ZNF33B: variants seen among roughly 807,000 people sequenced by gnomAD.
The protein encoded by ZNF33B is zinc finger protein 11b (KOX 2).
Under a neutral mutation model 45.8 loss-of-function variants are expected in ZNF33B, and 29 were observed. That is an observed-to-expected ratio of 0.63 (90% CI 0.47 to 0.86). ZNF33B has a LOEUF of 0.86. ZNF33B is among the 40% of genes least tolerant of loss of function. The pLI, the probability that ZNF33B is intolerant of heterozygous loss-of-function variation, is 0.00. For synonymous variants in ZNF33B, 305 were observed against 307.8 expected, an observed-to-expected ratio of 0.99 and a Z score of 0.10; for missense variants, 831 against 909.9, an observed-to-expected ratio of 0.91 and a Z score of 1.12.
chr10:42,630,669 A>C (rs958960192), intron 4 of ZNF33B, among the ~76,000 whole-genome samples: 2 of 152,178 alleles, frequency 1.3e-5, no homozygotes, highest in Non-Finnish European at 2.9e-5. Context: ...AGCTACCACA[A>C]TCACTCATAA....
At chr10:42,578,004 C>A (rs1324276310) in intron 1 of ZNF33B, among the ~76,000 whole-genome samples, 5 of 152,132 alleles carry the variant, frequency 3.3e-5, no homozygotes, top group Admixed American at 3.3e-4. Context: ...GTGAAAACCA[C>A]CCCTCCTCTA....
In ZNF33B at chr10:42,594,280, A is replaced by G. The variant is rs751830769; in HGVS notation, c.670T>C (p.Cys224Arg). 19 of 1,613,762 alleles carry G rather than the reference A, an allele frequency of 1.2e-5. 1 individual carries two copies. In the Admixed American group the frequency reaches 2.8e-4, roughly 24 times the overall value. Residue 224 changes from cysteine (C) to arginine (R), a missense_variant, in exon 5 of 5, where the codon TGT (cysteine) becomes CGT (arginine). By Grantham distance (180) the Cys-to-Arg change is radical. Transcript: ENST00000359467. ...TLDHNFEYSICQETLLEKAVF... is the reference protein window; with the variant it reads ...TLDHNFEYSIRQETLLEKAVF... ...GCCTTTTCAAGGAGGGTTTCCTGAC[A>G]TATACTGTATTCAAAATTGTGGTCT...
intron 4 of ZNF33B, among the ~76,000 whole-genome samples, chr10:42,596,959 A>G (rs1163338579): frequency 6.6e-6 from 1 of 151,918 alleles, no homozygotes; most frequent in East Asian, 1.9e-4. Context: ...ATATTATACT[A>G]TCAGGTATGA....
chr10:42,629,626 T>C (rs968618014), intron 4 of ZNF33B, among the ~76,000 whole-genome samples: 1 of 152,222 alleles, frequency 6.6e-6, no homozygotes, highest in Non-Finnish European at 1.5e-5. Context: ...TTTATGTTTT[T>C]TCCACTCTGC....
intron 4 of ZNF33B, among the ~76,000 whole-genome samples, chr10:42,597,818 T>G (rs1326925144): frequency 1.3e-5 from 2 of 152,220 alleles, no homozygotes; most frequent in Non-Finnish European, 1.5e-5. Context: ...AATGTTAGTT[T>G]TGTACAAAAC....
rs1457740648 is a variant in ZNF33B, at chr10:42,589,929, T to A, written c.*2684A>T. On this transcript the variant is annotated 3_prime_UTR_variant, in exon 5 of 5. Transcript: ENST00000359467. ...TCAAGGATGATGCTAGATGTAGGGTTTTTTGTAGTAGTTCTTTATCAAATT... is the reference window on the plus strand; with the variant it reads ...TCAAGGATGATGCTAGATGTAGGGTATTTTGTAGTAGTTCTTTATCAAATT... 1 of 152,222 alleles carries A rather than the reference T, an allele frequency of 6.6e-6. No homozygotes were observed. Among genetic ancestry groups the A allele is most frequent in the South Asian group, 2.1e-4 (1 of 4,838 alleles). 9.4% of individuals were successfully genotyped at this position (152,222 alleles called of 1,614,324 possible).
intron 4 of ZNF33B, among the ~76,000 whole-genome samples, chr10:42,615,122 G>A (rs1253587371): frequency 6.6e-6 from 1 of 152,156 alleles, no homozygotes; most frequent in African/African-American, 2.4e-5. Flanking sequence ...ATTGCTGGCA[G>A]GACTGTAAAG....
At chr10:42,627,562 C>T (rs1448719613) in intron 4 of ZNF33B, among the ~76,000 whole-genome samples, 1 of 152,064 alleles carries the variant, frequency 6.6e-6, no homozygotes. Flanking sequence ...CTTCCTTCTA[C>T]TTAACAGAGG....
At chr10:42,598,206 T>C (rs1837479099) in intron 4 of ZNF33B, among the ~76,000 whole-genome samples, 1 of 152,252 alleles carries the variant, frequency 6.6e-6, no homozygotes, top group African/African-American at 2.4e-5. Context: ...AGTATGCTTT[T>C]ATTTTCTAAT....
At chr10:42,595,698 C>A (rs1837370310) in intron 4 of ZNF33B, among the ~76,000 whole-genome samples, 1 of 152,112 alleles carries the variant, frequency 6.6e-6, no homozygotes, top group Non-Finnish European at 1.5e-5. Context: ...CTCTCTTTCT[C>A]CCCCTGCCCA....
intron 1 of ZNF33B, chr10:42,581,592 T>C (rs368386079): frequency 1.3e-5 from 2 of 151,944 alleles, no homozygotes; most frequent in Non-Finnish European, 2.9e-5. Context: ...TAGAATGAGG[T>C]TGGATCCGCC....
intron 4 of ZNF33B, among the ~76,000 whole-genome samples, chr10:42,627,765 G>A (rs1838873698): frequency 6.6e-6 from 1 of 151,888 alleles, no homozygotes; most frequent in South Asian, 2.1e-4. Flanking sequence ...TAAATTTGAG[G>A]CCCCTTCTTC....
intron 2 of ZNF33B, 187 bp downstream of exon 2, chr10:42,636,733 T>C (rs1839320540): frequency 1.4e-6 from 1 of 704,372 alleles, no homozygotes; most frequent in Non-Finnish European, 2.3e-6. Flanking sequence ...GGCAGGTGAA[T>C]TGCTTGAACC....
intron 4 of ZNF33B, among the ~76,000 whole-genome samples, chr10:42,603,237 T>A (rs1256661314): frequency 2.0e-5 from 3 of 152,146 alleles, no homozygotes; most frequent in African/African-American, 7.2e-5. Context: ...AGCAGGACTC[T>A]CACCTAGGGC....
intron 4 of ZNF33B, among the ~76,000 whole-genome samples, chr10:42,606,257 G>A (rs1450013606): frequency 1.3e-5 from 2 of 152,098 alleles, no homozygotes; most frequent in African/African-American, 4.8e-5. Context: ...CTGTGGTCAG[G>A]GGTTCGTGAC....
At chr10:42,583,362 C>T in intron 1 of ZNF33B, 1 of 375,170 alleles carries the variant, frequency 2.7e-6, no homozygotes, top group Non-Finnish European at 5.1e-6. Context: ...ACAGGCATTC[C>T]AGAATCCAGA....
At chr10:42,635,302 T>A (rs568617724) in intron 2 of ZNF33B, among the ~76,000 whole-genome samples, 177 of 151,296 alleles carry the variant, frequency 1.2e-3, no homozygotes, top group Non-Finnish European at 1.9e-3. Flanking sequence ...AAGGTTCCTG[T>A]CACAATTAGT....
At chr10:42,605,229 AAGAC>A (rs1355983845) in intron 4 of ZNF33B, 1 of 151,412 alleles carries the variant, frequency 6.6e-6, no homozygotes, top group African/African-American at 2.4e-5. Flanking sequence ...CTACACAAGA[AAGAC>A]AGAGAAGTTC....
At chr10:42,609,533 T>C (rs1838015729) in intron 4 of ZNF33B, among the ~76,000 whole-genome samples, 1 of 152,132 alleles carries the variant, frequency 6.6e-6, no homozygotes, top group African/African-American at 2.4e-5. Flanking sequence ...TATCAATTAC[T>C]CAAAAACTCC....
Sources: allele counts gnomAD v4.1 joint callset (sites outside exome capture counted in the v4.1 genomes callset), GRCh38; gene constraint gnomAD v4.1.1; transcripts MANE v1.5; gene names NCBI Gene and HGNC (gene_info 2026-07-23, HGNC 2026-07-21).